Variants in KCNIP4 observed in about 807,000 individuals in gnomAD.
The protein encoded by KCNIP4 is potassium voltage-gated channel interacting protein 4, also known as Kv channel-interacting protein 4.
Under a neutral mutation model 34.0 loss-of-function variants are expected in KCNIP4, and 12 were observed. That is an observed-to-expected ratio of 0.35 (90% CI 0.23 to 0.57). The LOEUF is 0.57. Ranked by LOEUF, KCNIP4 falls within the 20% of genes least tolerant of loss-of-function variation. The pLI, the probability that KCNIP4 is intolerant of heterozygous loss-of-function variation, is 0.83. For synonymous variants in KCNIP4, 124 were observed against 102.2 expected (o/e 1.21, Z -1.29); for missense variants, 238 against 311.7 (o/e 0.76, Z 1.78).
chr4:21,627,109 G>A (rs189536352), intron 1 of KCNIP4, among the ~76,000 whole-genome samples: 297 of 152,142 alleles, frequency 2.0e-3, no homozygotes, highest in African/African-American at 6.8e-3. Flanking sequence ...GAAAATCTTA[G>A]CCTAAATAAC....
intron 1 of KCNIP4, among the ~76,000 whole-genome samples, chr4:21,383,010 T>C (rs923718130): frequency 6.6e-6 from 1 of 152,130 alleles, no homozygotes; most frequent in Non-Finnish European, 1.5e-5. Flanking sequence ...GTTAAAATGA[T>C]GCCATTAGGG....
chr4:21,613,994 A>C (rs1744387530), intron 1 of KCNIP4, among the ~76,000 whole-genome samples: 1 of 151,846 alleles, frequency 6.6e-6, no homozygotes, highest in Non-Finnish European at 1.5e-5. Context: ...ATACAAAAAA[A>C]AAAAAAATTA....
At chr4:21,825,020 C>T (rs943158785) in intron 1 of KCNIP4, among the ~76,000 whole-genome samples, 2 of 152,192 alleles carry the variant, frequency 1.3e-5, no homozygotes, top group Admixed American at 1.3e-4. Context: ...TGATAGACCA[C>T]TTTCACAAAA....
At chr4:20,759,629 G>A (rs1293081468) in intron 3 of KCNIP4, among the ~76,000 whole-genome samples, 1 of 144,484 alleles carries the variant, frequency 6.9e-6, no homozygotes, top group African/African-American at 2.6e-5. Context: ...GAGTGGTTTT[G>A]GCATTTTTGC....
At position 21,369,669 on chromosome 4, in the gene KCNIP4, T is replaced by C. The variant is rs181634712; in HGVS notation, c.62-486960A>G. ...GTTCAGATGCTGAGCTAAGTAGTTG[T>C]AGCACTTACTTACTATCTCATTTAA... On this transcript the variant is annotated intron_variant, in intron 1 of 8. Transcript: ENST00000382152. 2.6e-3 allele frequency among the ~76,000 whole-genome samples: 383 copies of C among 147,450 alleles called. 5 individuals are homozygous for C. The highest frequency in any genetic ancestry group is 7.6e-4 in the Non-Finnish European group (52 of 68,028).
chr4:20,734,776 AAAAAAC>A (rs758255882), intron 5 of KCNIP4, 41 bp from the exon 6 acceptor site: 2 of 1,236,454 alleles, frequency 1.6e-6, no homozygotes, highest in East Asian at 2.4e-5. Context: ...GACATTTTTA[AAAAAAC>A]AAAAACAAAA....
chr4:20,741,236 A>C (rs1038967751), intron 5 of KCNIP4, among the ~76,000 whole-genome samples: 4 of 152,208 alleles, frequency 2.6e-5, no homozygotes, highest in Admixed American at 1.3e-4. Flanking sequence ...AGACATCTAC[A>C]GAACTCTCCA....
At chr4:21,779,933 A>T (rs112140455) in intron 1 of KCNIP4, among the ~76,000 whole-genome samples, 2 of 22,174 alleles carry the variant, frequency 9.0e-5, no homozygotes, top group Non-Finnish European at 4.0e-4. Flanking sequence ...CCTGTCTCAA[A>T]AAAAAAAAAA....
intron 1 of KCNIP4, among the ~76,000 whole-genome samples, chr4:21,509,995 G>C (rs1734172211): frequency 7.1e-6 from 1 of 141,602 alleles, no homozygotes; most frequent in African/African-American, 2.7e-5. Flanking sequence ...GCGCCTGCCT[G>C]TAATCCCAGC....
intron 1 of KCNIP4, among the ~76,000 whole-genome samples, chr4:20,942,534 A>C (rs1484380325): frequency 6.6e-6 from 1 of 152,166 alleles, no homozygotes; most frequent in Non-Finnish European, 1.5e-5. Flanking sequence ...CCCACCACAC[A>C]ACTATGACGT....
At chr4:20,889,920 T>C (rs1725745926) in intron 1 of KCNIP4, among the ~76,000 whole-genome samples, 1 of 152,106 alleles carries the variant, frequency 6.6e-6, no homozygotes, top group South Asian at 2.1e-4. Flanking sequence ...CATAAATATT[T>C]GTCCAAAAAG....
chr4:20,765,335 T>G (rs1184406033), intron 3 of KCNIP4, among the ~76,000 whole-genome samples: 1 of 152,046 alleles, frequency 6.6e-6, no homozygotes, highest in African/African-American at 2.4e-5. Flanking sequence ...ATCCTTCTTC[T>G]GGGAAGATGT....
At chr4:21,319,366 G>A (rs1041861293) in intron 1 of KCNIP4, among the ~76,000 whole-genome samples, 6 of 152,202 alleles carry the variant, frequency 3.9e-5, no homozygotes, top group Admixed American at 1.3e-4. Context: ...CTTCAGCCTT[G>A]CTGTGAACTT....
chr4:21,608,557 T>G (rs532850883), intron 1 of KCNIP4, among the ~76,000 whole-genome samples: 2 of 152,304 alleles, frequency 1.3e-5, no homozygotes, highest in Non-Finnish European at 2.9e-5. Flanking sequence ...CCTCTTCTGT[T>G]TTTGAGAATC....
chr4:21,519,416 G>GCA (rs1735100511), intron 1 of KCNIP4, among the ~76,000 whole-genome samples: 2 of 115,078 alleles, frequency 1.7e-5, no homozygotes, highest in Non-Finnish European at 4.0e-5. Context: ...ATATGTATGT[G>GCA]TATATATACA....
chr4:21,219,148 G>T (rs142163795), intron 1 of KCNIP4, among the ~76,000 whole-genome samples: 1 of 152,114 alleles, frequency 6.6e-6, no homozygotes, highest in Non-Finnish European at 1.5e-5. Flanking sequence ...GCAGCCCTGC[G>T]TTCTGGAAAC....
chr4:21,214,198 CTCT>C (rs1757410481), intron 1 of KCNIP4, among the ~76,000 whole-genome samples: 1 of 152,130 alleles, frequency 6.6e-6, no homozygotes, highest in Non-Finnish European at 1.5e-5. Flanking sequence ...CTAAGTTATT[CTCT>C]TCTTAGATCT....
At chr4:21,793,134 A>G (rs775025622) in intron 1 of KCNIP4, among the ~76,000 whole-genome samples, 3 of 152,256 alleles carry the variant, frequency 2.0e-5, no homozygotes, top group Non-Finnish European at 4.4e-5. Context: ...TGAGTTTCTG[A>G]GAAAAGAAAT....
intron 1 of KCNIP4, among the ~76,000 whole-genome samples, chr4:21,629,629 A>G (rs753602753): frequency 6.6e-6 from 1 of 152,166 alleles, no homozygotes; most frequent in Non-Finnish European, 1.5e-5. Flanking sequence ...ATAAAACTGC[A>G]TGATGTCACC....
Sources: gnomAD v4.1 joint callset for allele counts (sites outside exome capture counted in the v4.1 genomes callset) on GRCh38, gnomAD v4.1.1 for gene constraint, MANE v1.5 for transcripts, NCBI Gene and HGNC (gene_info 2026-07-23, HGNC 2026-07-21) for gene names.